SH3GL3: variants seen among roughly 807,000 people sequenced by gnomAD.
The protein encoded by SH3GL3 is SH3 domain containing GRB2 like 3, endophilin A3, also known as endophilin-A3.
SH3GL3 carries 33 observed loss-of-function variants against 47.7 expected under a neutral mutation model. That is an observed-to-expected ratio of 0.69 (90% confidence interval 0.52 to 0.92). The LOEUF is 0.92. Ranked by LOEUF, SH3GL3 falls within the 40% of genes least tolerant of loss-of-function variation. SH3GL3 has a pLI of 0.00. For missense variants in SH3GL3, 363 were observed against 417.8 expected (o/e 0.87, Z 1.14); for synonymous variants, 155 against 148.8 (o/e 1.04, Z -0.30).
intron 1 of SH3GL3, among the ~76,000 whole-genome samples, chr15:83,503,519 G>A (rs1056562377): frequency 6.6e-6 from 1 of 152,188 alleles, no homozygotes; most frequent in Non-Finnish European, 1.5e-5. Flanking sequence ...CTCAGATTAT[G>A]AGTTTAAGAT....
chr15:83,569,283 C>G (rs1241725965), intron 4 of SH3GL3, among the ~76,000 whole-genome samples: 2 of 152,246 alleles, frequency 1.3e-5, no homozygotes, highest in African/African-American at 4.8e-5. Context: ...TACATATACT[C>G]TTTGGTAACA....
chr15:83,488,070 G>T (rs2041694471), intron 1 of SH3GL3: 1 of 151,838 alleles, frequency 6.6e-6, no homozygotes, highest in Admixed American at 6.6e-5. Context: ...GTAGAGATGG[G>T]TTTCACCATG....
chr15:83,447,722 G>A lies in SH3GL3; in HGVS notation c.45+144G>A. 1.9e-6 allele frequency: 1 copy of A among 527,424 alleles called. No homozygotes were observed. The highest frequency in any genetic ancestry group is 3.2e-6 in the Non-Finnish European group (1 of 311,836). The allele number at this position is 527,424 out of a possible 1,614,324, so 32.7% of individuals were successfully genotyped here. A position where few individuals can be genotyped will look rare whatever the true frequency, so the allele number is the denominator to read the frequency against. On this transcript the variant is annotated intron_variant, in intron 1 of 8. Coordinates refer to ENST00000427482, the MANE Select transcript of SH3GL3 (RefSeq NM_003027.5). This position sits in a 1 kb window ranked among gnomAD's most constrained non-coding sequence, Gnocchi z 5.1. ...CCCGCCTAGGAGGGCGCGAGGGTGG[G>A]GTGAGGGGCCGCCTGCTCTCTCCTC...
chr15:83,563,678 G>A (rs776090301), intron 2 of SH3GL3, among the ~76,000 whole-genome samples: 1 of 151,808 alleles, frequency 6.6e-6, no homozygotes, highest in Non-Finnish European at 1.5e-5. Flanking sequence ...TCGCTCTGTT[G>A]CCCAGGCTGG....
chr15:83,565,851 G>T (rs1373239265), intron 3 of SH3GL3: 2 of 152,150 alleles, frequency 1.3e-5, no homozygotes, highest in African/African-American at 4.8e-5. Context: ...GAGTTCCTGT[G>T]ATTCCCTTGA....
At chr15:83,604,272 C>T (rs759957036) in intron 8 of SH3GL3, among the ~76,000 whole-genome samples, 5 of 152,166 alleles carry the variant, frequency 3.3e-5, no homozygotes, top group Non-Finnish European at 7.3e-5. Flanking sequence ...CCCAGGACCC[C>T]AGGGCTCAGT....
intron 1 of SH3GL3, among the ~76,000 whole-genome samples, chr15:83,496,201 A>G (rs2042069984): frequency 6.6e-6 from 1 of 151,908 alleles, no homozygotes. Flanking sequence ...TACTAAAAAT[A>G]CAAAAATTAG....
chr15:83,565,905 G>A (rs1373651937), intron 3 of SH3GL3: 1 of 152,186 alleles, frequency 6.6e-6, no homozygotes, highest in African/African-American at 2.4e-5. Context: ...AATTGAGAAA[G>A]TAAAAATTTA....
rs149383755 is a variant in SH3GL3, at chr15:83,563,875, T to A, written c.115-1259T>A. ...CTGGTCTTGAACTGCTGACCTCAGG[T>A]GATCCACCTGCCTCAGCCTCCCAGA... On this transcript the variant is annotated intron_variant, in intron 2 of 8. Coordinates refer to ENST00000427482, the MANE Select transcript of SH3GL3 (RefSeq NM_003027.5). Among the ~76,000 whole-genome samples the A allele has an allele frequency of 3.9e-3, 601 of 152,304 alleles. 2 individuals carry two copies. The highest frequency in any genetic ancestry group is 0.014 in the African/African-American group (578 of 41,566).
Position 83,607,879 on chromosome 15 carries a change from TACAA to T in SH3GL3, c.839-10198_839-10195del, listed in dbSNP as rs199652182. On this transcript the variant is annotated intron_variant, in intron 8 of 8. Coordinates refer to ENST00000427482, the MANE Select transcript of SH3GL3 (RefSeq NM_003027.5). ...ATAATAATAATAATAATAATAATAA[TACAA>T]ACAACAACAACAAAAAAAACAACCC... Among the ~76,000 whole-genome samples, 932 of 140,502 alleles carry T rather than the reference TACAA, an allele frequency of 6.6e-3. 6 individuals carry two copies. The highest frequency in any genetic ancestry group is 0.014 in the Admixed American group (198 of 13,944). 92.2% of individuals were successfully genotyped at this position (140,502 alleles called of 152,430 possible). A position where few individuals can be genotyped will look rare whatever the true frequency, so the allele number is the denominator to read the frequency against.
At chr15:83,572,030 C>T (rs769898624) in intron 4 of SH3GL3, among the ~76,000 whole-genome samples, 13 of 152,196 alleles carry the variant, frequency 8.5e-5, no homozygotes, top group Non-Finnish European at 1.8e-4. Flanking sequence ...TCCCATGTGA[C>T]ACTGGCAGGC....
intron 8 of SH3GL3, among the ~76,000 whole-genome samples, chr15:83,599,047 G>A (rs1409507754): frequency 6.6e-6 from 1 of 152,156 alleles, no homozygotes; most frequent in East Asian, 1.9e-4. Flanking sequence ...TTTTGATGAA[G>A]CAGATATATT....
chr15:83,622,714 G>C (rs1252597821), downstream of SH3GL3, among the ~76,000 whole-genome samples: 1 of 152,224 alleles, frequency 6.6e-6, no homozygotes, highest in Non-Finnish European at 1.5e-5. Flanking sequence ...TCTCTACAGA[G>C]TCTGCATCCA....
chr15:83,487,192 C>G (rs566435171), intron 1 of SH3GL3, among the ~76,000 whole-genome samples: 1 of 138,438 alleles, frequency 7.2e-6, no homozygotes, highest in Non-Finnish European at 1.5e-5. Flanking sequence ...GAATTTTTAA[C>G]CGGTTTACCT....
At chr15:83,630,736 C>CCTA in the SH3GL3 span, among the ~76,000 whole-genome samples, 1 of 152,144 alleles carries the variant, frequency 6.6e-6, no homozygotes, top group Non-Finnish European at 1.5e-5. Context: ...CCCGGTCCCT[C>CCTA]CCAAGACATG....
chr15:83,558,287 C>T (rs1187692045), intron 1 of SH3GL3, among the ~76,000 whole-genome samples: 2 of 152,198 alleles, frequency 1.3e-5, no homozygotes, highest in African/African-American at 2.4e-5. Flanking sequence ...GGATCTCTCA[C>T]TCGTACTCTT....
At chr15:83,587,525 T>A (rs1174981221) in intron 7 of SH3GL3, among the ~76,000 whole-genome samples, 32 of 104,996 alleles carry the variant, frequency 3.0e-4, no homozygotes, top group African/African-American at 6.1e-4. Context: ...TAAATATCTG[T>A]AAAAAAAAAA....
Position 83,448,570 on chromosome 15 carries a change from A to G in SH3GL3, c.45+992A>G, listed in dbSNP as rs2039571143. On this transcript the variant is annotated intron_variant, in intron 1 of 8. Transcript: ENST00000427482. The surrounding 1 kb of genome is among the most constrained non-coding windows in gnomAD (Gnocchi z 4.2). ...CACGTTGTAAAACCTGTTCCCCACC[A>G]GCACCGCTGGGTCTGTTGCTTCTCA... is the stretch of plus-strand genomic sequence containing the variant. 6.6e-6 allele frequency among the ~76,000 whole-genome samples: 1 copy of G among 151,658 alleles called. No homozygotes were observed. Among genetic ancestry groups the G allele is most frequent in the Admixed American group, 6.6e-5 (1 of 15,190 alleles).
chr15:83,487,022 C>T (rs1401636008), intron 1 of SH3GL3, among the ~76,000 whole-genome samples: 1 of 152,190 alleles, frequency 6.6e-6, no homozygotes. Context: ...CCAAATACAA[C>T]CACATTAGGA....
Sources: gnomAD v4.1 joint callset for allele counts (sites outside exome capture counted in the v4.1 genomes callset) on GRCh38, gnomAD v4.1.1 for gene constraint, Gnocchi (gnomAD v3.1) non-coding constraint, MANE v1.5 for transcripts, NCBI Gene and HGNC (gene_info 2026-07-23, HGNC 2026-07-21) for gene names.